The following PKP4 variants were observed in gnomAD, a reference collection of about 807,000 sequenced individuals.
PKP4 encodes the protein plakophilin-4.
PKP4 carries 90 observed loss-of-function variants against 145.1 expected under a neutral mutation model. The ratio of observed to expected loss-of-function variants is 0.62; its 90% CI spans 0.52 to 0.74. The LOEUF (loss-of-function observed/expected upper bound fraction) is 0.74. Ranked by LOEUF, PKP4 falls within the 30% of genes least tolerant of loss-of-function variation. PKP4 has a pLI of 0.00. For synonymous variants in PKP4, 563 were observed against 577.2 expected (o/e 0.98, Z 0.35); for missense variants, 1,340 against 1,482.7 (o/e 0.90, Z 1.58).
intron 4 of PKP4, among the ~76,000 whole-genome samples, chr2:158,619,542 C>T (rs941689625): frequency 1.3e-5 from 2 of 152,186 alleles, no homozygotes; most frequent in Admixed American, 6.5e-5. Flanking sequence ...TCCCTTAAAC[C>T]TTGTATTCAC....
In PKP4 at chr2:158,662,934, C is replaced by G; in HGVS notation, c.2249C>G (p.Ser750Cys). The G allele has an allele frequency of 6.8e-6, 11 of 1,612,510 alleles. No individual in the cohort carries two copies. The highest frequency in any genetic ancestry group is 9.3e-6 in the Non-Finnish European group (11 of 1,179,670). ...ENCVCTLRNL[S>C]YRLELEVPQA... ...TGCGTGTGCACCCTGAGGAACCTGT[C>G]CTATCGGCTGGAGCTGGAGGTGCCC... The change falls in exon 14 of 22, where the codon TCC (serine) becomes TGC (cysteine). Residue 750 changes from serine (S) to cysteine (C), a missense_variant. By Grantham distance (112) the Ser-to-Cys change is moderately radical. Coordinates refer to ENST00000389759, the MANE Select transcript of PKP4 (RefSeq NM_003628.6).
Position 158,680,484 on chromosome 2 carries a change from A to G in PKP4, c.3386A>G (p.Tyr1129Cys), listed in dbSNP as rs1165854219. The G allele has an allele frequency of 1.2e-6, 2 of 1,613,070 alleles. No individual in the cohort carries two copies. The highest frequency in any genetic ancestry group is 1.7e-6 in the Non-Finnish European group (2 of 1,179,128). ...DDSNRKNFDAYRLYLQSPHSY... is the reference protein window; with the variant it reads ...DDSNRKNFDACRLYLQSPHSY... The stretch of plus-strand genomic sequence containing the variant: ...TCCAACAGAAAGAACTTTGATGCAT[A>G]CAGATTGTATTTGCAGTCTCCTCAT... The change falls in exon 22 of 22, where the codon TAC becomes TGC. Residue 1129 changes from tyrosine to cysteine, a missense_variant. Coordinates refer to ENST00000389759, the MANE Select transcript of PKP4 (RefSeq NM_003628.6).
chr2:158,607,179 G>C (rs2050726120), intron 4 of PKP4, among the ~76,000 whole-genome samples: 2 of 152,010 alleles, frequency 1.3e-5, no homozygotes, highest in Admixed American at 6.6e-5. Context: ...CAGGTGTATG[G>C]GATTGATCTT....
rs1315861376 is a variant in PKP4, at chr2:158,528,555, G to A, written c.-5-4625G>A. Among the ~76,000 whole-genome samples, 3 of 134,256 alleles carry A rather than the reference G, an allele frequency of 2.2e-5. No homozygotes were observed. In the Admixed American group the frequency reaches 2.4e-4, roughly 11 times the overall value. 88.1% of individuals were successfully genotyped at this position (134,256 alleles called of 152,430 possible). On this transcript the variant is annotated intron_variant, in intron 1 of 21. Transcript: ENST00000389759. ...AATGCTAGATGACGAGTTAGTGGGT[G>A]CAGCGCACCAGCATGGCACATGTAT...
chr2:158,505,608 G>T (rs773799766), intron 1 of PKP4, among the ~76,000 whole-genome samples: 1 of 152,128 alleles, frequency 6.6e-6, no homozygotes, highest in Non-Finnish European at 1.5e-5. Context: ...GTATTAGGGG[G>T]TGGTGATAAG....
At chr2:158,552,693 A>G (rs1207518102) in intron 2 of PKP4, among the ~76,000 whole-genome samples, 1 of 152,220 alleles carries the variant, frequency 6.6e-6, no homozygotes, top group Non-Finnish European at 1.5e-5. Flanking sequence ...AATAAAGCTA[A>G]TATTCCAATA....
chr2:158,497,903 T>G (rs1695973891), intron 1 of PKP4, among the ~76,000 whole-genome samples: 1 of 152,008 alleles, frequency 6.6e-6, no homozygotes, highest in Non-Finnish European at 1.5e-5. Context: ...ACAGTCAAAA[T>G]CTCCCAAAAC....
rs118150898 is a variant in PKP4, at chr2:158,550,242, A to G, written c.132+16926A>G. Among the ~76,000 whole-genome samples, 216 of 120,566 alleles carry G rather than the reference A, an allele frequency of 1.8e-3. 2 individuals are homozygous for G. The East Asian group carries it at 0.042, about 23-fold the overall frequency. The allele number at this position is 120,566 out of a possible 152,430, so 79.1% of individuals were successfully genotyped here. ...GATTCATGAATGAATCTATAGCAGTATTTTGCCAGAGTTGTAAGAATGTCA... is the reference window on the plus strand; with the variant it reads ...GATTCATGAATGAATCTATAGCAGTGTTTTGCCAGAGTTGTAAGAATGTCA... On this transcript the variant is annotated intron_variant, in intron 2 of 21. Transcript: ENST00000389759.
intron 3 of PKP4, among the ~76,000 whole-genome samples, chr2:158,594,050 T>C (rs749926910): frequency 1.3e-5 from 2 of 152,216 alleles, no homozygotes; most frequent in Non-Finnish European, 2.9e-5. Flanking sequence ...GAGGGAAATA[T>C]GAGTCTGACT....
At chr2:158,460,202 A>G (rs1297246918) in intron 1 of PKP4, among the ~76,000 whole-genome samples, 1 of 152,212 alleles carries the variant, frequency 6.6e-6, no homozygotes, top group Non-Finnish European at 1.5e-5. Context: ...GTAAAATTAT[A>G]TACATTATTG....
chr2:158,643,522 G>A (rs1268096572), intron 11 of PKP4, among the ~76,000 whole-genome samples: 1 of 151,876 alleles, frequency 6.6e-6, no homozygotes, highest in Non-Finnish European at 1.5e-5. Context: ...ACCAACCTGG[G>A]CAACACAGGG....
intron 1 of PKP4, among the ~76,000 whole-genome samples, chr2:158,529,206 A>T (rs536368592): frequency 2.0e-5 from 3 of 152,188 alleles, no homozygotes; most frequent in Admixed American, 6.5e-5. Flanking sequence ...TTTGATTCCA[A>T]ATATAAAGAC....
intron 1 of PKP4, among the ~76,000 whole-genome samples, chr2:158,508,453 C>T (rs1458537768): frequency 1.3e-5 from 2 of 151,624 alleles, no homozygotes; most frequent in Admixed American, 6.6e-5. Flanking sequence ...TTCCTAACTC[C>T]CATGGACAAT....
chr2:158,514,881 C>A (rs1442713619), intron 1 of PKP4, among the ~76,000 whole-genome samples: 1 of 152,012 alleles, frequency 6.6e-6, no homozygotes, highest in African/African-American at 2.4e-5. Flanking sequence ...GCAGAGGTTG[C>A]AGTGAGCCAA....
chr2:158,474,759 T>C (rs1489689738), intron 1 of PKP4, among the ~76,000 whole-genome samples: 3 of 151,960 alleles, frequency 2.0e-5, no homozygotes, highest in Non-Finnish European at 4.4e-5. Flanking sequence ...GCTGCTCCCC[T>C]CCCCAGCCCC....
chr2:158,498,644 T>C (rs910725406), intron 1 of PKP4, among the ~76,000 whole-genome samples: 6 of 152,188 alleles, frequency 3.9e-5, no homozygotes, highest in Non-Finnish European at 7.3e-5. Flanking sequence ...ATATTTCTTC[T>C]AAATGTCTGT....
chr2:158,484,246 A>C (rs1693830070), intron 1 of PKP4, among the ~76,000 whole-genome samples: 1 of 151,482 alleles, frequency 6.6e-6, no homozygotes. Flanking sequence ...ACGGGGTTTC[A>C]CCTTGTTAGC....
At position 158,666,436 on chromosome 2, in the gene PKP4, C is replaced by T. The variant is rs567777335; in HGVS notation, c.2601C>T (p.Ala867=). ...NWKFAAYIRA[A]VRKEKGLPIL... ...AGTTTGCAGCATATATCCGGGCGGC[C>T]GTCCGAAAAGAAAAGGGGCTCCCCA... Residue 867 remains alanine, a synonymous_variant, in exon 16 of 22, where the codon GCC becomes GCT. Transcript: ENST00000389759. 16 of 1,605,770 alleles carry T rather than the reference C, an allele frequency of 1.0e-5. No homozygotes were observed. In the Admixed American group the frequency reaches 1.2e-4, roughly 12 times the overall value.
At chr2:158,650,551 A>T (rs1296694779) in intron 11 of PKP4, among the ~76,000 whole-genome samples, 3 of 152,180 alleles carry the variant, frequency 2.0e-5, no homozygotes, top group Non-Finnish European at 4.4e-5. Flanking sequence ...CCAACTGGGG[A>T]CAAATTTCAG....
Sources: allele counts gnomAD v4.1 joint callset (sites outside exome capture counted in the v4.1 genomes callset), GRCh38; gene constraint gnomAD v4.1.1; transcripts MANE v1.5; gene names NCBI Gene and HGNC (gene_info 2026-07-23, HGNC 2026-07-21).